The following USH2A variants were observed in gnomAD, a reference collection of about 807,000 sequenced individuals.
The protein encoded by USH2A is usherin, also known as Usher syndrome 2A (autosomal recessive, mild).
Under a neutral mutation model 538.9 loss-of-function variants are expected in USH2A, and 443 were observed. That is an observed-to-expected ratio of 0.82 (90% CI 0.76 to 0.89). The LOEUF (loss-of-function observed/expected upper bound fraction) is 0.89, where lower values mean the gene tolerates loss of function less well. USH2A is among the 40% of genes least tolerant of loss of function. USH2A has a pLI of 0.00. For synonymous variants in USH2A, 2,413 were observed against 2,273.5 expected (o/e 1.06, Z -1.75); for missense variants, 6,633 against 6,324.8 (o/e 1.05, Z -1.65).
At chr1:215,867,240 T>C in intron 43 of USH2A, 70 bp from the exon 44 acceptor site, 1 of 1,524,344 alleles carries the variant, frequency 6.6e-7, no homozygotes, top group Non-Finnish European at 8.9e-7. Flanking sequence ...AATAATTTCT[T>C]TTTTTCTTCA....
intron 21 of USH2A, among the ~76,000 whole-genome samples, chr1:216,156,223 A>G (rs2033933352): frequency 6.6e-6 from 1 of 151,308 alleles, no homozygotes; most frequent in African/African-American, 2.4e-5. Flanking sequence ...AGACATTGAT[A>G]CATGATACTT....
intron 11 of USH2A, among the ~76,000 whole-genome samples, chr1:216,285,374 G>A (rs1009633114): frequency 6.6e-6 from 1 of 152,262 alleles, no homozygotes; most frequent in Non-Finnish European, 1.5e-5. Flanking sequence ...TCCACATGGT[G>A]TTGGGCCTGC....
intron 69 of USH2A, among the ~76,000 whole-genome samples, chr1:215,637,539 T>C (rs1018492505): frequency 3.3e-5 from 5 of 152,178 alleles, no homozygotes; most frequent in Admixed American, 2.0e-4. Flanking sequence ...ACTTGTCCAC[T>C]TGGGGAAATA....
intron 47 of USH2A, among the ~76,000 whole-genome samples, chr1:215,825,266 T>C (rs1324774694): frequency 6.6e-6 from 1 of 152,132 alleles, no homozygotes; most frequent in African/African-American, 2.4e-5. Flanking sequence ...TTGCTCAGGC[T>C]GGACTCAAAT....
chr1:216,409,610 T>C (rs1238543905), intron 3 of USH2A, among the ~76,000 whole-genome samples: 2 of 152,114 alleles, frequency 1.3e-5, no homozygotes, highest in Middle Eastern at 3.4e-3. Flanking sequence ...TTGAGAAAGC[T>C]GACAAAAACA....
At chr1:216,182,830 C>T (rs1364931028) in intron 20 of USH2A, among the ~76,000 whole-genome samples, 1 of 152,030 alleles carries the variant, frequency 6.6e-6, no homozygotes, top group African/African-American at 2.4e-5. Flanking sequence ...CAAAAGCTGC[C>T]AGATCCCAGT....
chr1:216,190,138 G>T, intron 20 of USH2A, 85 bp downstream of exon 20: 1 of 1,558,692 alleles, frequency 6.4e-7, no homozygotes, highest in South Asian at 1.1e-5. Context: ...CAAATATAAA[G>T]TCTCAAGTAG....
chr1:216,265,156 A>G (rs1241257239), intron 11 of USH2A, among the ~76,000 whole-genome samples: 3 of 148,868 alleles, frequency 2.0e-5, no homozygotes, highest in Non-Finnish European at 4.4e-5. Context: ...AATCAACTCA[A>G]TGGCCCCAAA....
intron 55 of USH2A, among the ~76,000 whole-genome samples, chr1:215,771,682 A>C (rs1661293885): frequency 6.9e-6 from 1 of 144,658 alleles, no homozygotes; most frequent in Admixed American, 7.0e-5. Flanking sequence ...TGAGTCATGT[A>C]GTGAGATACT....
At position 215,644,022 on chromosome 1, in the gene USH2A, A is replaced by G. The variant is rs80156258; in HGVS notation, c.14792-3288T>C. On this transcript the variant is annotated intron_variant, in intron 67 of 71. Transcript: ENST00000307340. ...TTTAGCAAAATTGGCTTCTGGATGTAGTGCAAAGGAGATTACAAAATCAGA... is the reference window on the plus strand; with the variant it reads ...TTTAGCAAAATTGGCTTCTGGATGTGGTGCAAAGGAGATTACAAAATCAGA... Among the ~76,000 whole-genome samples, 555 of 152,364 alleles carry G rather than the reference A, an allele frequency of 3.6e-3. 4 individuals carry two copies. The highest frequency in any genetic ancestry group is 5.6e-3 in the Non-Finnish European group (384 of 68,038).
chr1:215,761,621 G>T (rs978624357), intron 56 of USH2A, among the ~76,000 whole-genome samples: 2 of 152,162 alleles, frequency 1.3e-5, no homozygotes, highest in African/African-American at 4.8e-5. Context: ...GCTAAGCACT[G>T]CAGGCAGTTC....
chr1:215,653,488 C>T (rs1657143443), intron 64 of USH2A, among the ~76,000 whole-genome samples: 1 of 152,058 alleles, frequency 6.6e-6, no homozygotes, highest in African/African-American at 2.4e-5. Flanking sequence ...GCAGGATCAA[C>T]CTATTTACAT....
chr1:215,902,080 A>C (rs1366621723), intron 38 of USH2A, among the ~76,000 whole-genome samples: 1 of 151,874 alleles, frequency 6.6e-6, no homozygotes, highest in Admixed American at 6.6e-5. Context: ...GCATAATTTA[A>C]TTGCTAGTAT....
chr1:215,858,168 T>G (rs577949713), intron 44 of USH2A, among the ~76,000 whole-genome samples: 1 of 152,218 alleles, frequency 6.6e-6, no homozygotes, highest in African/African-American at 2.4e-5. Context: ...TATGTGTATA[T>G]TGGGATATAT....
chr1:215,812,643 T>C (rs1489474721), intron 49 of USH2A, among the ~76,000 whole-genome samples: 1 of 152,202 alleles, frequency 6.6e-6, no homozygotes, highest in African/African-American at 2.4e-5. Context: ...CTTGGCTTTC[T>C]TGTCTTTCTC....
At chr1:216,003,138 A>G (rs1668305785) in intron 32 of USH2A, among the ~76,000 whole-genome samples, 1 of 152,022 alleles carries the variant, frequency 6.6e-6, no homozygotes, top group African/African-American at 2.4e-5. Context: ...GGCGGTCAGG[A>G]TGGGAAGTGA....
At chr1:216,248,711 T>A (rs992257122) in intron 12 of USH2A, among the ~76,000 whole-genome samples, 4 of 152,120 alleles carry the variant, frequency 2.6e-5, no homozygotes, top group Admixed American at 2.6e-4. Context: ...GAATTATGAC[T>A]CATTTTGAAC....
rs1571702060 is a variant in USH2A, at chr1:216,324,197, A to G, written c.1299T>C (p.Pro433=). Reference sequence around the variant, plus strand: ...AAAGCTGAAGACAGTTGACAGAATCAGGTTTTTCCAAATCTCCATTGTTTT... The same window carrying G: ...AAAGCTGAAGACAGTTGACAGAATCGGGTTTTTCCAAATCTCCATTGTTTT... ...GMKNNGDLEK[P]DSVNCLQLSN... The change falls in exon 7 of 72, where the codon CCT becomes CCC. Residue 433 remains proline (P), a synonymous_variant. Coordinates refer to ENST00000307340, the MANE Select transcript of USH2A (RefSeq NM_206933.4). 6.2e-7 allele frequency: 1 copy of G among 1,613,198 alleles called. No individual in the cohort carries two copies. Among genetic ancestry groups the G allele is most frequent in the South Asian group, 1.1e-5 (1 of 91,030 alleles).
intron 9 of USH2A, among the ~76,000 whole-genome samples, chr1:216,302,014 T>A (rs2037225187): frequency 6.6e-6 from 1 of 152,232 alleles, no homozygotes; most frequent in Non-Finnish European, 1.5e-5. Context: ...ATCATCTTTA[T>A]AAACATAAAA....
Sources: allele counts gnomAD v4.1 joint callset (sites outside exome capture counted in the v4.1 genomes callset), GRCh38; gene constraint gnomAD v4.1.1; transcripts MANE v1.5; gene names NCBI Gene and HGNC (gene_info 2026-07-23, HGNC 2026-07-21).